Variants in CPNE8 observed in about 807,000 individuals in gnomAD.
CPNE8 encodes copine 8.
CPNE8 carries 45 observed loss-of-function variants against 81.5 expected under a neutral mutation model. That is an observed-to-expected ratio of 0.55 (90% CI 0.44 to 0.71). The LOEUF (loss-of-function observed/expected upper bound fraction) is 0.71, where lower values mean the gene tolerates loss of function less well. Among genes scored for constraint, CPNE8 ranks in the 30% least tolerant of loss-of-function variants. The pLI is 0.00. For missense variants in CPNE8, 594 were observed against 672.1 expected, an observed-to-expected ratio of 0.88 and a Z score of 1.28; for synonymous variants, 252 against 226.3, an observed-to-expected ratio of 1.11 and a Z score of -1.02.
At chr12:38,798,566 A>G in intron 6 of CPNE8, among the ~76,000 whole-genome samples, 1 of 152,280 alleles carries the variant, frequency 6.6e-6, no homozygotes, top group Non-Finnish European at 1.5e-5. Context: ...ACATGGAAAG[A>G]ACAACCGGTA....
chr12:38,775,881 C>G (rs1056668951), intron 7 of CPNE8, among the ~76,000 whole-genome samples: 1 of 152,090 alleles, frequency 6.6e-6, no homozygotes, highest in East Asian at 1.9e-4. Context: ...AGAAATATTC[C>G]TTCAGGATTA....
chr12:38,787,064 A>G (rs996647103), intron 6 of CPNE8, among the ~76,000 whole-genome samples: 1 of 152,202 alleles, frequency 6.6e-6, no homozygotes, highest in Non-Finnish European at 1.5e-5. Flanking sequence ...CAGAATATCA[A>G]CAAAGCAACA....
At chr12:38,813,082 C>T (rs1182089429) in intron 6 of CPNE8, among the ~76,000 whole-genome samples, 1 of 152,132 alleles carries the variant, frequency 6.6e-6, no homozygotes, top group Non-Finnish European at 1.5e-5. Context: ...GAATAAACTG[C>T]TTGGTCTCAA....
intron 16 of CPNE8, among the ~76,000 whole-genome samples, chr12:38,684,358 G>C (rs991365064): frequency 6.6e-6 from 1 of 152,030 alleles, no homozygotes; most frequent in African/African-American, 2.4e-5. Context: ...GATAAAACAG[G>C]TAAGACTAAG....
At chr12:38,819,766 C>CAAAAA (rs71068584) in intron 6 of CPNE8, among the ~76,000 whole-genome samples, 1 of 65,296 alleles carries the variant, frequency 1.5e-5, no homozygotes, top group African/African-American at 6.0e-5. Flanking sequence ...GACTCCGTCT[C>CAAAAA]AAAAAAAAAA....
Position 38,693,649 on chromosome 12 carries a change from A to T in CPNE8, c.1143+8T>A, listed in dbSNP as rs1028819232. The T allele has an allele frequency of 1.2e-5, 20 of 1,605,192 alleles. No individual in the cohort carries two copies. Among genetic ancestry groups the T allele is most frequent in the Non-Finnish European group, 1.7e-5 (20 of 1,176,050 alleles). Reference sequence around the variant, plus strand: ...TCAAAACATCAAATCCTTTTGACAAATTCTTACCAAAGCAAATTCGTGAGA... The same window carrying T: ...TCAAAACATCAAATCCTTTTGACAATTTCTTACCAAAGCAAATTCGTGAGA... On this transcript the variant is annotated splice_region_variant and intron_variant, in intron 15 of 19. Coordinates refer to ENST00000331366, the MANE Select transcript of CPNE8 (RefSeq NM_153634.3).
At chr12:38,753,025 A>G (rs1414432996) in intron 10 of CPNE8, among the ~76,000 whole-genome samples, 1 of 152,206 alleles carries the variant, frequency 6.6e-6, no homozygotes. Context: ...TAAGAAAATG[A>G]CATCTAAATT....
chr12:38,848,316 G>T lies in CPNE8; in HGVS notation c.290+243C>A, dbSNP rs112412699. ...AGGAAATCCACTGAAGCACAGGGCA[G>T]TTGGGAAGAATGTCCATATACACCG... On this transcript the variant is annotated intron_variant, in intron 4 of 19. Transcript: ENST00000331366. Among the ~76,000 whole-genome samples, 470 of 152,232 alleles carry T rather than the reference G, an allele frequency of 3.1e-3. 5 individuals carry two copies. The highest frequency in any genetic ancestry group is 0.01 in the African/African-American group (435 of 41,558).
At chr12:38,859,263 T>C (rs1213397917) in intron 3 of CPNE8, among the ~76,000 whole-genome samples, 1 of 151,894 alleles carries the variant, frequency 6.6e-6, no homozygotes, top group African/African-American at 2.4e-5. Context: ...ATACGAAATC[T>C]ATATACAAAA....
At chr12:38,682,053 C>T (rs926402165) in intron 16 of CPNE8, among the ~76,000 whole-genome samples, 1 of 151,842 alleles carries the variant, frequency 6.6e-6, no homozygotes, top group Non-Finnish European at 1.5e-5. Flanking sequence ...AACCCCGTCT[C>T]TTCTAAAGAT....
chr12:38,694,948 A>G (rs901356638), intron 14 of CPNE8, among the ~76,000 whole-genome samples: 1 of 152,250 alleles, frequency 6.6e-6, no homozygotes, highest in African/African-American at 2.4e-5. Flanking sequence ...AATTATACAC[A>G]TAATATTTTT....
At chr12:38,719,616 G>A (rs1402867795) in intron 13 of CPNE8, among the ~76,000 whole-genome samples, 1 of 147,294 alleles carries the variant, frequency 6.8e-6, no homozygotes, top group Non-Finnish European at 1.5e-5. Context: ...GAAAGAAATT[G>A]TGCCAATTGC....
rs1941474813 is a variant in CPNE8 at position 38,756,935 on chromosome 12, T to G, written c.722+3912A>C. ...ATTTTTAAAAAGTAAAAATCCTTCT[T>G]AGTAATTTTGTATTGATTCTATATT... On this transcript the variant is annotated intron_variant, in intron 10 of 19. Coordinates refer to ENST00000331366, the MANE Select transcript of CPNE8 (RefSeq NM_153634.3). Among the ~76,000 whole-genome samples, 3 of 152,188 alleles carry G rather than the reference T, an allele frequency of 2.0e-5. No individual in the cohort carries two copies. In the South Asian group the frequency reaches 6.2e-4, roughly 31 times the overall value.
intron 1 of CPNE8, among the ~76,000 whole-genome samples, chr12:38,880,250 T>C (rs1592152369): frequency 6.6e-6 from 1 of 152,216 alleles, no homozygotes. Flanking sequence ...AAGGGCCTTT[T>C]ATTTATCTAT....
chr12:38,791,794 G>A (rs573855149), intron 6 of CPNE8, among the ~76,000 whole-genome samples: 5 of 151,500 alleles, frequency 3.3e-5, no homozygotes, highest in Non-Finnish European at 7.4e-5. Flanking sequence ...TTCTCTTCAA[G>A]TGAACATGAA....
At chr12:38,861,142 C>G (rs1012480380) in intron 3 of CPNE8, among the ~76,000 whole-genome samples, 5 of 152,078 alleles carry the variant, frequency 3.3e-5, no homozygotes, top group African/African-American at 1.2e-4. Context: ...CACAGAAGGA[C>G]AAATACTGTA....
At chr12:38,842,718 T>C (rs970742239) in intron 4 of CPNE8, among the ~76,000 whole-genome samples, 1 of 151,428 alleles carries the variant, frequency 6.6e-6, no homozygotes, top group East Asian at 1.9e-4. Context: ...TGGGGTGACA[T>C]AGGTGCCCGC....
At chr12:38,788,750 TAA>T (rs1471285106) in intron 6 of CPNE8, among the ~76,000 whole-genome samples, 1 of 151,806 alleles carries the variant, frequency 6.6e-6, no homozygotes, top group Non-Finnish European at 1.5e-5. Flanking sequence ...TTAGAATTGA[TAA>T]TTCAGTAAAT....
chr12:38,772,292 C>T (rs746607086), intron 7 of CPNE8, among the ~76,000 whole-genome samples: 16 of 152,078 alleles, frequency 1.1e-4, no homozygotes, highest in Non-Finnish European at 1.8e-4. Flanking sequence ...GTTACCTACT[C>T]TCAGATATTC....
Sources: gnomAD v4.1 joint callset for allele counts (sites outside exome capture counted in the v4.1 genomes callset) on GRCh38, gnomAD v4.1.1 for gene constraint, MANE v1.5 for transcripts, NCBI Gene and HGNC (gene_info 2026-07-23, HGNC 2026-07-21) for gene names.